Variants in CDKL4 observed in about 807,000 individuals in gnomAD.
CDKL4 encodes the protein cyclin-dependent kinase-like 4.
Under a neutral mutation model 42.0 loss-of-function variants are expected in CDKL4, and 44 were observed. The observed-to-expected ratio is 1.05, with a 90% CI of 0.82 to 1.35. The LOEUF is 1.35. Ranked by LOEUF, CDKL4 falls within the 40% of genes most tolerant of loss-of-function variation. CDKL4 has a pLI of 0.00. For missense variants in CDKL4, 393 were observed against 369.9 expected (o/e 1.06, Z -0.51); for synonymous variants, 120 against 121.6 (o/e 0.99, Z 0.09).
At chr2:39,220,077 A>C (rs1380980042) in intron 3 of CDKL4, among the ~76,000 whole-genome samples, 1 of 152,222 alleles carries the variant, frequency 6.6e-6, no homozygotes, top group Non-Finnish European at 1.5e-5. Flanking sequence ...GCTCAATGAC[A>C]ACAAAGACTG....
chr2:39,192,863 C>T (rs1014632100), intron 5 of CDKL4, among the ~76,000 whole-genome samples: 3 of 152,096 alleles, frequency 2.0e-5, no homozygotes, highest in African/African-American at 7.2e-5. Flanking sequence ...CAGTAGCTCA[C>T]ACCTATAACC....
intron 7 of CDKL4, among the ~76,000 whole-genome samples, 162 bp from the exon 8 acceptor site, chr2:39,184,809 A>T (rs1044031592): frequency 3.3e-5 from 5 of 151,674 alleles, no homozygotes; most frequent in Non-Finnish European, 7.4e-5. Context: ...ATCATAGCTT[A>T]CTTTAACCTT....
At chr2:39,187,731 A>G (rs1371804284) in intron 6 of CDKL4, 22 bp from the exon 7 acceptor site, 2 of 1,532,382 alleles carry the variant, frequency 1.3e-6, no homozygotes, top group South Asian at 1.1e-5. Context: ...AAACCACATA[A>G]TTCATCATAA....
At chr2:39,173,772 C>T (rs1243030469), downstream of CDKL4, among the ~76,000 whole-genome samples, 4 of 147,048 alleles carry the variant, frequency 2.7e-5, no homozygotes, top group Non-Finnish European at 5.9e-5. Context: ...GAGATTGTGC[C>T]ACTGCACTCC....
intron 1 of CDKL4, among the ~76,000 whole-genome samples, chr2:39,242,189 G>A (rs908732822): frequency 1.3e-5 from 2 of 152,112 alleles, no homozygotes; most frequent in African/African-American, 4.8e-5. Context: ...GAGACTACAG[G>A]CATGTGCCAC....
chr2:39,185,291 CATATATATACACATAT>C lies in CDKL4; in HGVS notation c.736-660_736-645del, dbSNP rs1558546817. Among the ~76,000 whole-genome samples, 46 of 23,330 alleles carry C rather than the reference CATATATATACACATAT, an allele frequency of 2.0e-3. 5 individuals carry two copies. The East Asian group carries it at 0.038, about 19-fold the overall frequency. 15.3% of individuals were successfully genotyped at this position (23,330 alleles called of 152,430 possible). A position where few individuals can be genotyped will look rare whatever the true frequency, so the allele number is the denominator to read the frequency against. On this transcript the variant is annotated intron_variant, in intron 7 of 9. Coordinates refer to ENST00000451199, the Ensembl canonical transcript of CDKL4. Reference sequence around the variant, plus strand: ...ATATATATACACATATGTATATATACATATATATACACATATGTATATATACATATATATACACATA... The same window carrying C: ...ATATATATACACATATGTATATATACGTATATATACATATATATACACATA...
chr2:39,246,749 CT>C (rs140188399), upstream of CDKL4, among the ~76,000 whole-genome samples: 344 of 146,596 alleles, frequency 2.3e-3, no homozygotes, highest in African/African-American at 6.6e-3. Context: ...CCTCTTGTAC[CT>C]TTTTTTTTTT....
intron 1 of CDKL4, among the ~76,000 whole-genome samples, chr2:39,233,356 G>A (rs1049497203): frequency 5.3e-5 from 8 of 152,124 alleles, no homozygotes; most frequent in African/African-American, 1.4e-4. Flanking sequence ...GCACTAGTCA[G>A]TGTGGCACCA....
chr2:39,219,294 T>A, intron 3 of CDKL4, among the ~76,000 whole-genome samples: 1 of 152,206 alleles, frequency 6.6e-6, no homozygotes, highest in African/African-American at 2.4e-5. Flanking sequence ...AATCCAAGGC[T>A]GTGAGAATCT....
chr2:39,186,950 T>C (rs6544208), intron 7 of CDKL4, among the ~76,000 whole-genome samples: 11,119 of 152,220 alleles, frequency 0.073, 1,388 homozygotes, highest in African/African-American at 0.25. Context: ...CCTGGCTCAT[T>C]GTAATGTAGT....
intron 4 of CDKL4, among the ~76,000 whole-genome samples, chr2:39,209,231 G>A (rs891396431): frequency 4.0e-5 from 6 of 151,404 alleles, no homozygotes; most frequent in African/African-American, 1.5e-4. Context: ...AGGATTGTTT[G>A]AGCATGGGAG....
Position 39,225,978 on chromosome 2 carries a change from T to A in CDKL4, c.169-18A>T. ...TTTAATTGCTGTGAAAGAATTGAAA[T>A]GCAAAGTTAAGTGATCTGTTACTAG... On this transcript the variant is annotated intron_variant, in intron 2 of 9. Transcript: ENST00000451199. 1 of 1,604,988 alleles carries A rather than the reference T, an allele frequency of 6.2e-7. No individual in the cohort carries two copies. Among genetic ancestry groups the A allele is most frequent in the Non-Finnish European group, 8.5e-7 (1 of 1,176,768 alleles).
At chr2:39,220,081 A>C (rs1289652411) in intron 3 of CDKL4, among the ~76,000 whole-genome samples, 1 of 152,196 alleles carries the variant, frequency 6.6e-6, no homozygotes, top group Non-Finnish European at 1.5e-5. Context: ...AATGACAACA[A>C]AGACTGAATT....
At chr2:39,222,796 T>C (rs1011350482) in intron 3 of CDKL4, among the ~76,000 whole-genome samples, 3 of 152,122 alleles carry the variant, frequency 2.0e-5, no homozygotes, top group African/African-American at 7.2e-5. Flanking sequence ...CCTTGAACAA[T>C]ACATGAAGTA....
intron 1 of CDKL4, among the ~76,000 whole-genome samples, chr2:39,231,190 A>T (rs7581874): frequency 6.6e-6 from 1 of 151,980 alleles, no homozygotes; most frequent in Non-Finnish European, 1.5e-5. Context: ...CCAGCCTGGG[A>T]GACAGAGCAA....
Position 39,182,094 on chromosome 2 carries a change from G to A in CDKL4, c.792+2497C>T, listed in dbSNP as rs139252077. ...GCTCCTGGGCTCAAGCAATCCTCCCGCCTTAGCCTCCCAAGTAGCTGGGAC... is the reference window on the plus strand; with the variant it reads ...GCTCCTGGGCTCAAGCAATCCTCCCACCTTAGCCTCCCAAGTAGCTGGGAC... On this transcript the variant is annotated intron_variant, in intron 8 of 9. Coordinates refer to ENST00000451199, the Ensembl canonical transcript of CDKL4. Among the ~76,000 whole-genome samples, 398 of 152,114 alleles carry A rather than the reference G, an allele frequency of 2.6e-3. 1 individual carries two copies. Among genetic ancestry groups the A allele is most frequent in the African/African-American group, 8.9e-3 (369 of 41,506 alleles).
At chr2:39,213,345 G>A in intron 4 of CDKL4, 55 bp downstream of exon 4, 1 of 1,147,720 alleles carries the variant, frequency 8.7e-7, no homozygotes, top group Non-Finnish European at 1.3e-6. Context: ...GAGCTATTTA[G>A]AAGAAAAGAG....
In CDKL4 at chr2:39,178,660, T is replaced by A. The variant is rs535696745; in HGVS notation, c.927+527A>T. ...ATACTGTTCTGCAATATTGGCCCAT[T>A]GGGTAGAATTTGGTTCCCAGATGTC... On this transcript the variant is annotated intron_variant, in intron 9 of 9. Coordinates refer to ENST00000451199, the Ensembl canonical transcript of CDKL4. 3.0e-4 allele frequency: 485 copies of A among 1,602,744 alleles called. 4 individuals are homozygous for A. The South Asian group carries it at 5.1e-3, about 17-fold the overall frequency.
chr2:39,241,586 AG>A (rs1380292931), intron 1 of CDKL4, among the ~76,000 whole-genome samples: 1 of 152,200 alleles, frequency 6.6e-6, no homozygotes, highest in African/African-American at 2.4e-5. Flanking sequence ...TTACCTTGCC[AG>A]CATCACTTCT....
Sources: allele counts gnomAD v4.1 joint callset (sites outside exome capture counted in the v4.1 genomes callset), GRCh38; gene constraint gnomAD v4.1.1; transcripts MANE v1.5; gene names NCBI Gene and HGNC (gene_info 2026-07-23, HGNC 2026-07-21).